Variants in COLQ observed in about 807,000 individuals in gnomAD.
The protein encoded by COLQ is collagen like tail subunit of asymmetric acetylcholinesterase, also known as acetylcholinesterase collagenic tail peptide.
A neutral mutation model predicts 69.0 loss-of-function variants in COLQ; 48 were observed. The ratio of observed to expected loss-of-function variants is 0.70; its 90% confidence interval spans 0.55 to 0.88. The LOEUF is 0.88. COLQ is among the 40% of genes least tolerant of loss of function. The pLI, the probability that COLQ is intolerant of heterozygous loss-of-function variation, is 0.00. For missense variants in COLQ, 618 were observed against 594.6 expected (o/e 1.04, Z -0.41); for synonymous variants, 217 against 211.2 (o/e 1.03, Z -0.24).
chr3:15,474,970 T>C lies in COLQ; in HGVS notation c.529-19A>G. The C allele has an allele frequency of 6.2e-7, 1 of 1,613,828 alleles. No individual in the cohort carries two copies. The highest frequency in any genetic ancestry group is 8.5e-7 in the Non-Finnish European group (1 of 1,179,768). On this transcript the variant is annotated intron_variant, in intron 7 of 16. Transcript: ENST00000383788. ...GGTAGCCCTAAAAGAAAGCAGAAGGTACATTTACAATCAGCCCTGTAGGAC... is the reference window on the plus strand; with the variant it reads ...GGTAGCCCTAAAAGAAAGCAGAAGGCACATTTACAATCAGCCCTGTAGGAC...
At chr3:15,466,057 G>A (rs1575468888) in intron 12 of COLQ, among the ~76,000 whole-genome samples, 1 of 152,306 alleles carries the variant, frequency 6.6e-6, no homozygotes, top group African/African-American at 2.4e-5. Context: ...GATGAAATAT[G>A]TTCCTGTTAT....
intron 1 of COLQ, among the ~76,000 whole-genome samples, chr3:15,502,113 A>ATTTTTTT (rs61521157): frequency 1.6e-5 from 2 of 128,562 alleles, no homozygotes; most frequent in Non-Finnish European, 3.2e-5. Context: ...ACTTGCACTG[A>ATTTTTTT]TTTTTTTTTT....
chr3:15,488,320 G>A lies in COLQ; in HGVS notation c.220-13C>T, dbSNP rs1233822093. 1.2e-6 allele frequency: 2 copies of A among 1,609,910 alleles called. No homozygotes were observed. Among genetic ancestry groups the A allele is most frequent in the African/African-American group, 2.7e-5 (2 of 74,872 alleles). ...CTGGGGAGAGAAGCTTCAGTACAAA[G>A]CAACACAGAGTTAGAGGTCAGGCGT... is the stretch of plus-strand genomic sequence containing the variant. On this transcript the variant is annotated splice_polypyrimidine_tract_variant and intron_variant, in intron 2 of 16. Coordinates refer to ENST00000383788, the MANE Select transcript of COLQ (RefSeq NM_005677.4).
intron 1 of COLQ, among the ~76,000 whole-genome samples, chr3:15,513,464 A>G (rs1284310343): frequency 6.6e-6 from 1 of 152,112 alleles, no homozygotes; most frequent in Admixed American, 6.5e-5. Context: ...GGAAGAAGAG[A>G]GTGGTGAAAA....
intron 12 of COLQ, among the ~76,000 whole-genome samples, chr3:15,461,502 T>C (rs2062113805): frequency 6.6e-6 from 1 of 152,182 alleles, no homozygotes; most frequent in South Asian, 2.1e-4. Flanking sequence ...CGCCACCCCC[T>C]GCAGCCAGAG....
chr3:15,478,781 C>T (rs1164636191), intron 5 of COLQ, 196 bp downstream of exon 5: 3 of 688,596 alleles, frequency 4.4e-6, no homozygotes, highest in Non-Finnish European at 2.6e-6. Context: ...CAGTAGCAGG[C>T]TCCTGCTCCT....
rs900906624 is a variant in COLQ at position 15,475,327 on chromosome 3, C to T, written c.528+98G>A. The T allele has an allele frequency of 1.1e-5, 13 of 1,171,204 alleles. 1 individual carries two copies. In the Admixed American group the frequency reaches 1.8e-4, roughly 16 times the overall value. 72.6% of individuals were successfully genotyped at this position (1,171,204 alleles called of 1,614,324 possible). On this transcript the variant is annotated intron_variant, in intron 7 of 16. Transcript: ENST00000383788. Reference sequence around the variant, plus strand: ...TCCAATATCCGCGACATTCCCTAGTCCGGGACTGCAGCCCCACCCAGTCCC... The same window carrying T: ...TCCAATATCCGCGACATTCCCTAGTTCGGGACTGCAGCCCCACCCAGTCCC...
chr3:15,456,052 C>T, intron 14 of COLQ, 33 bp from the exon 15 acceptor site: 7 of 1,613,288 alleles, frequency 4.3e-6, no homozygotes, highest in Non-Finnish European at 5.9e-6. Context: ...TTAACTGGAG[C>T]ATGGCATACC....
At chr3:15,470,395 T>C (rs1176123325) in intron 11 of COLQ, 141 bp downstream of exon 11, 3 of 783,608 alleles carry the variant, frequency 3.8e-6, no homozygotes, top group Non-Finnish European at 6.8e-6. Context: ...GAAGTGGTGC[T>C]GCTCCCGTCT....
intron 1 of COLQ, among the ~76,000 whole-genome samples, chr3:15,507,217 G>T (rs1253146314): frequency 6.6e-6 from 1 of 152,230 alleles, no homozygotes; most frequent in Non-Finnish European, 1.5e-5. Flanking sequence ...TGCAAACAAT[G>T]CAACTAAATA....
At chr3:15,490,829 T>C (rs2062654102) in intron 1 of COLQ, among the ~76,000 whole-genome samples, 1 of 152,262 alleles carries the variant, frequency 6.6e-6, no homozygotes, top group African/African-American at 2.4e-5. Flanking sequence ...TTATCTTCTA[T>C]TAAAGCTGAA....
chr3:15,463,320 GTT>G (rs1359402311), intron 12 of COLQ, among the ~76,000 whole-genome samples: 2 of 149,594 alleles, frequency 1.3e-5, no homozygotes, highest in African/African-American at 2.5e-5. Flanking sequence ...TTTTGGTTTT[GTT>G]TTTTTTTGTT....
rs1321334962 is a variant in COLQ at position 15,473,512 on chromosome 3, C to T, written c.636+488G>A. Among the ~76,000 whole-genome samples the T allele has an allele frequency of 1.3e-5, 2 of 152,180 alleles. No individual in the cohort carries two copies. Among genetic ancestry groups the T allele is most frequent in the African/African-American group, 4.8e-5 (2 of 41,428 alleles). On this transcript the variant is annotated intron_variant, in intron 10 of 16. Transcript: ENST00000383788. The surrounding 1 kb of genome is among the most constrained non-coding windows in gnomAD (Gnocchi z 4.0). ...ACTCTTAAACAATGTTAGCAGTCTT[C>T]AGTTCAAATACTTTTGTGTCCTTCT...
chr3:15,500,080 G>C (rs1390435329), intron 1 of COLQ, among the ~76,000 whole-genome samples: 1 of 152,214 alleles, frequency 6.6e-6, no homozygotes, highest in Non-Finnish European at 1.5e-5. Flanking sequence ...CGGTTGAGGG[G>C]TAGAGGGTCC....
intron 8 of COLQ, among the ~76,000 whole-genome samples, chr3:15,474,635 C>T (rs1336497106): frequency 6.6e-6 from 1 of 152,242 alleles, no homozygotes; most frequent in Admixed American, 6.5e-5. Flanking sequence ...TTTCCTCCAG[C>T]ACTCTGTGCA....
chr3:15,506,520 T>C (rs1412056900), intron 1 of COLQ: 1 of 152,210 alleles, frequency 6.6e-6, no homozygotes, highest in Non-Finnish European at 1.5e-5. Context: ...TACAAGCAAA[T>C]AGGTAGGTAT....
chr3:15,521,681 C>T lies in COLQ; in HGVS notation c.-56G>A, dbSNP rs1490445439. The T allele has an allele frequency of 1.2e-6, 2 of 1,607,928 alleles. No homozygotes were observed. The highest frequency in any genetic ancestry group is 1.7e-5 in the Admixed American group (1 of 59,136). The stretch of plus-strand genomic sequence containing the variant: ...GAAAGGAGGCTGCTGCGGAGCCTTG[C>T]TTATCTCTGCTTTTCTCTTCCTCAC... On this transcript the variant is annotated 5_prime_UTR_variant, in exon 1 of 17. Transcript: ENST00000383788.
intron 1 of COLQ, among the ~76,000 whole-genome samples, chr3:15,505,806 C>T (rs889293216): frequency 6.6e-6 from 1 of 152,224 alleles, no homozygotes; most frequent in East Asian, 1.9e-4. Context: ...ACTGTGACTG[C>T]GTGGAAAGAC....
At chr3:15,471,641 T>C (rs2062289484) in intron 10 of COLQ, among the ~76,000 whole-genome samples, 1 of 152,214 alleles carries the variant, frequency 6.6e-6, no homozygotes, top group African/African-American at 2.4e-5. Flanking sequence ...CTTTTTCACA[T>C]GGCAGTCAGA....
Sources: allele counts gnomAD v4.1 joint callset (sites outside exome capture counted in the v4.1 genomes callset), GRCh38; gene constraint gnomAD v4.1.1; non-coding constraint Gnocchi (gnomAD v3.1); transcripts MANE v1.5; gene names NCBI Gene and HGNC (gene_info 2026-07-23, HGNC 2026-07-21).